CDH18: variants seen among roughly 807,000 people sequenced by gnomAD.
CDH18 encodes the protein cadherin-18.
In CDH18, 31 loss-of-function variants were observed where a neutral mutation model predicts 67.9. That is an observed-to-expected ratio of 0.46 (90% CI 0.34 to 0.62). The LOEUF (loss-of-function observed/expected upper bound fraction) is 0.62, where lower values mean the gene tolerates loss of function less well. CDH18 is among the 20% of genes least tolerant of loss of function. CDH18 has a pLI of 0.01. For missense variants in CDH18, 890 were observed against 975.5 expected (o/e 0.91, Z 1.17); for synonymous variants, 362 against 347.2 (o/e 1.04, Z -0.48).
intron 8 of CDH18, among the ~76,000 whole-genome samples, chr5:19,558,738 A>T (rs1056432485): frequency 1.3e-5 from 2 of 152,012 alleles, no homozygotes; most frequent in Non-Finnish European, 2.9e-5. Flanking sequence ...AATTGGTACC[A>T]ATCCTATTGA....
chr5:19,636,915 G>T (rs951295570), intron 5 of CDH18, among the ~76,000 whole-genome samples: 1 of 152,050 alleles, frequency 6.6e-6, no homozygotes, highest in African/African-American at 2.4e-5. Context: ...ACATAACAAT[G>T]GATTTACCTT....
chr5:20,159,783 T>C (rs1751830075), intron 2 of CDH18, among the ~76,000 whole-genome samples: 1 of 152,190 alleles, frequency 6.6e-6, no homozygotes, highest in African/African-American at 2.4e-5. Context: ...TGCTTTATTA[T>C]ATTCTGAGAA....
intron 2 of CDH18, among the ~76,000 whole-genome samples, chr5:20,016,072 T>C (rs755018211): frequency 1.3e-5 from 2 of 152,086 alleles, no homozygotes; most frequent in Non-Finnish European, 2.9e-5. Context: ...TAAATACCCA[T>C]CAATAGCAGA....
intron 1 of CDH18, among the ~76,000 whole-genome samples, chr5:20,301,273 A>G (rs1735877142): frequency 6.6e-6 from 1 of 152,202 alleles, no homozygotes; most frequent in Non-Finnish European, 1.5e-5. Flanking sequence ...AAAAACTAAT[A>G]CAAGCTGAGA....
At chr5:19,530,519 G>T (rs1298726391) in intron 9 of CDH18, among the ~76,000 whole-genome samples, 3 of 151,988 alleles carry the variant, frequency 2.0e-5, no homozygotes, top group African/African-American at 7.3e-5. Flanking sequence ...TGCCATGTTG[G>T]TGTGCTGCAC....
intron 3 of CDH18, among the ~76,000 whole-genome samples, chr5:19,823,429 G>A (rs1044522009): frequency 3.3e-5 from 5 of 152,182 alleles, no homozygotes; most frequent in African/African-American, 1.2e-4. Context: ...ACTAACAAAT[G>A]TCCATGAAAT....
intron 3 of CDH18, among the ~76,000 whole-genome samples, chr5:19,832,579 G>A (rs974280688): frequency 5.3e-5 from 8 of 151,970 alleles, no homozygotes; most frequent in Admixed American, 6.6e-5. Context: ...TTCTTTTGGC[G>A]TTTTTGTCAT....
intron 8 of CDH18, among the ~76,000 whole-genome samples, chr5:19,569,964 T>A (rs1301758971): frequency 6.6e-6 from 1 of 152,160 alleles, no homozygotes; most frequent in East Asian, 1.9e-4. Context: ...ACAGAAATTA[T>A]CATTAGTATC....
At chr5:19,577,961 C>T (rs1350912406) in intron 7 of CDH18, among the ~76,000 whole-genome samples, 1 of 152,028 alleles carries the variant, frequency 6.6e-6, no homozygotes, top group African/African-American at 2.4e-5. Flanking sequence ...GGTCATATGA[C>T]CACAGAGGCA....
chr5:20,361,742 G>T (rs1434751966), intron 1 of CDH18, among the ~76,000 whole-genome samples: 1 of 151,986 alleles, frequency 6.6e-6, no homozygotes, highest in African/African-American at 2.4e-5. Context: ...TCATCCTTCA[G>T]CTTATGATTA....
intron 5 of CDH18, among the ~76,000 whole-genome samples, chr5:19,617,579 A>G (rs1007704166): frequency 6.6e-6 from 1 of 152,230 alleles, no homozygotes; most frequent in Non-Finnish European, 1.5e-5. Flanking sequence ...GTTACGGCAT[A>G]TTCTAAATGT....
intron 1 of CDH18, among the ~76,000 whole-genome samples, chr5:19,985,236 A>G (rs1226264613): frequency 6.6e-6 from 1 of 152,002 alleles, no homozygotes; most frequent in African/African-American, 2.4e-5. Flanking sequence ...CCAATTGAAA[A>G]CCATTCATTA....
intron 5 of CDH18, among the ~76,000 whole-genome samples, chr5:19,701,940 A>G (rs189933623): frequency 8.5e-4 from 130 of 152,228 alleles, no homozygotes; most frequent in Non-Finnish European, 1.0e-3. Context: ...GTATTGTGCA[A>G]GTCTTGCTCA....
rs567465299 is a variant in CDH18 at position 19,848,399 on chromosome 5, A to C, written c.-256-9157T>G. Among the ~76,000 whole-genome samples, 5 of 152,242 alleles carry C rather than the reference A, an allele frequency of 3.3e-5. No homozygotes were observed. The South Asian group carries it at 1.0e-3, about 32-fold the overall frequency. On this transcript the variant is annotated intron_variant, in intron 2 of 12. Coordinates refer to ENST00000382275, the MANE Select transcript of CDH18 (RefSeq NM_004934.5). ...TGAGAGGGTGCCACACTTTCCTATCAGCTTAGATTCAGTTAGTTTCACACT... is the reference window on the plus strand; with the variant it reads ...TGAGAGGGTGCCACACTTTCCTATCCGCTTAGATTCAGTTAGTTTCACACT...
At chr5:20,507,577 T>C (rs1754735127) in intron 1 of CDH18, among the ~76,000 whole-genome samples, 1 of 152,122 alleles carries the variant, frequency 6.6e-6, no homozygotes, top group African/African-American at 2.4e-5. Context: ...GAAATAATTT[T>C]GAAAAGCTTA....
intron 6 of CDH18, among the ~76,000 whole-genome samples, chr5:19,611,947 TGC>T (rs200301623): frequency 0.064 from 7,866 of 122,762 alleles, 242 homozygotes; most frequent in Non-Finnish European, 0.079. Context: ...TTTTGGATGA[TGC>T]GTGTGTGTGT....
chr5:20,144,745 A>T (rs908856413), intron 2 of CDH18, among the ~76,000 whole-genome samples: 7 of 152,184 alleles, frequency 4.6e-5, no homozygotes, highest in African/African-American at 1.7e-4. Flanking sequence ...AGTAAGTCAA[A>T]ATGTGACTTT....
At chr5:20,297,406 A>G (rs943145231) in intron 1 of CDH18, among the ~76,000 whole-genome samples, 41 of 152,252 alleles carry the variant, frequency 2.7e-4, no homozygotes, top group African/African-American at 9.9e-4. Context: ...GTCTGACACC[A>G]AAGCATAAAC....
intron 2 of CDH18, among the ~76,000 whole-genome samples, chr5:20,119,522 TAA>T (rs1258977314): frequency 6.6e-6 from 1 of 152,144 alleles, no homozygotes; most frequent in African/African-American, 2.4e-5. Flanking sequence ...GATAAATTAA[TAA>T]AAGAGTAGAA....
Sources: gnomAD v4.1 joint callset for allele counts (sites outside exome capture counted in the v4.1 genomes callset) on GRCh38, gnomAD v4.1.1 for gene constraint, MANE v1.5 for transcripts, NCBI Gene and HGNC (gene_info 2026-07-23, HGNC 2026-07-21) for gene names.